The following LRP6 variants were observed in gnomAD, a reference collection of about 807,000 sequenced individuals.
LRP6 encodes the protein LDL receptor related protein 6, also known as low-density lipoprotein receptor-related protein 6.
A neutral mutation model predicts 184.1 loss-of-function variants in LRP6; 43 were observed. The observed-to-expected ratio is 0.23, with a 90% CI of 0.18 to 0.30. The LOEUF (loss-of-function observed/expected upper bound fraction) is 0.30. LRP6 is among the 10% of genes least tolerant of loss of function. LRP6 has a pLI of 1.00. For missense variants in LRP6, 1,571 were observed against 2,005.3 expected (o/e 0.78, Z 4.14); for synonymous variants, 719 against 684.9 (o/e 1.05, Z -0.78).
intron 4 of LRP6, among the ~76,000 whole-genome samples, chr12:12,184,381 CA>C (rs1863417025): frequency 2.1e-5 from 1 of 47,132 alleles, no homozygotes; most frequent in Non-Finnish European, 6.0e-5. Flanking sequence ...TAACAAAAAG[CA>C]AAACTAAAAA....
rs149215216 is a variant in LRP6, at chr12:12,131,916, T to C, written c.3875A>G (p.Gln1292Arg). 18 of 1,614,098 alleles carry C rather than the reference T, an allele frequency of 1.1e-5. No individual in the cohort carries two copies. The highest frequency in any genetic ancestry group is 1.4e-5 in the Non-Finnish European group (16 of 1,180,036). The change falls in exon 18 of 23, where the codon CAG (glutamine) becomes CGG (arginine). Residue 1292 changes from glutamine to arginine, a missense_variant. Gln to Arg is a conservative substitution (Grantham distance 43). Around this residue, in one of 4 missense-constraint regions of LRP6, gnomAD observed 763 missense variants for 859.5 expected, o/e 0.89. Transcript: ENST00000261349. ...ELNCPVCSES[Q>R]FQCASGQCID... Reference sequence around the variant, plus strand: ...ACACTGCCCACTGGCACACTGGAACTGGGACTCTGAGCATACAGGACAATT... The same window carrying C: ...ACACTGCCCACTGGCACACTGGAACCGGGACTCTGAGCATACAGGACAATT...
At chr12:12,198,008 T>G (rs568996953) in intron 3 of LRP6, among the ~76,000 whole-genome samples, 1 of 152,240 alleles carries the variant, frequency 6.6e-6, no homozygotes. Context: ...CTGCAACCTC[T>G]GCAAAATTCA....
At chr12:12,236,227 A>AAAAT (rs145272684) in intron 2 of LRP6, among the ~76,000 whole-genome samples, 6,237 of 152,054 alleles carry the variant, frequency 0.041, 175 homozygotes, top group Middle Eastern at 0.16. Context: ...ACTCCGTCTC[A>AAAAT]AAATAAATAA....
intron 1 of LRP6, among the ~76,000 whole-genome samples, chr12:12,266,367 CAGAGAG>C (rs1334763632): frequency 1.3e-5 from 2 of 152,158 alleles, no homozygotes; most frequent in Non-Finnish European, 2.9e-5. Flanking sequence ...AGACCCCAGG[CAGAGAG>C]AGGCACACAG....
chr12:12,180,447 G>A lies in LRP6; in HGVS notation c.1374-466C>T, dbSNP rs956127502. Among the ~76,000 whole-genome samples, 6 of 151,976 alleles carry A rather than the reference G, an allele frequency of 3.9e-5. No individual in the cohort carries two copies. In the South Asian group the frequency reaches 8.3e-4, roughly 21 times the overall value. On this transcript the variant is annotated intron_variant, in intron 6 of 22. Coordinates refer to ENST00000261349, the MANE Select transcript of LRP6 (RefSeq NM_002336.3). ...TCCTGGATGTTTAGATGGCTCTAAG[G>A]CATTGGTATATACTGAGGTGTAATT...
At chr12:12,138,220 G>A (rs1949874200) in intron 16 of LRP6, 105 bp downstream of exon 16, 2 of 1,093,670 alleles carry the variant, frequency 1.8e-6, no homozygotes, top group Non-Finnish European at 2.8e-6. Flanking sequence ...AACTAAAAGT[G>A]CATGAAAGTC....
At chr12:12,148,290 ATTCT>A (rs1257323893) in intron 14 of LRP6, among the ~76,000 whole-genome samples, 2 of 151,926 alleles carry the variant, frequency 1.3e-5, no homozygotes, top group Non-Finnish European at 2.9e-5. Context: ...AAAATTTTAA[ATTCT>A]TTCTAATTAA....
At chr12:12,141,169 T>C (rs1314053935) in intron 15 of LRP6, among the ~76,000 whole-genome samples, 1 of 136,360 alleles carries the variant, frequency 7.3e-6, no homozygotes, top group Non-Finnish European at 1.6e-5. Flanking sequence ...AAGAAGGGAA[T>C]GATGAGAAAG....
At chr12:12,220,015 G>C (rs768253318) in intron 2 of LRP6, among the ~76,000 whole-genome samples, 28 of 152,144 alleles carry the variant, frequency 1.8e-4, no homozygotes, top group Non-Finnish European at 3.7e-4. Context: ...AGCTGGGCAC[G>C]GTGGTTCACG....
chr12:12,183,852 T>G (rs1348450411), intron 5 of LRP6, 128 bp downstream of exon 5: 10 of 782,358 alleles, frequency 1.3e-5, no homozygotes, highest in Non-Finnish European at 2.2e-5. Flanking sequence ...TAACCATGTG[T>G]GAAGACTGTG....
intron 2 of LRP6, 61 bp downstream of exon 2, chr12:12,244,201 T>C (rs1303924671): frequency 2.6e-6 from 4 of 1,539,086 alleles, no homozygotes; most frequent in African/African-American, 2.7e-5. Context: ...GGGTGGTGTA[T>C]GTCAGTGGAG....
intron 1 of LRP6, 100 bp downstream of exon 1, chr12:12,266,581 C>T: frequency 9.3e-7 from 1 of 1,069,952 alleles, no homozygotes; most frequent in Non-Finnish European, 1.4e-6. Flanking sequence ...GCTCCTCTCC[C>T]CTTCTCCCTT....
intron 2 of LRP6, among the ~76,000 whole-genome samples, chr12:12,205,273 T>C (rs920081183): frequency 7.0e-6 from 1 of 143,806 alleles, no homozygotes; most frequent in African/African-American, 2.6e-5. Flanking sequence ...TGAGCTGAGA[T>C]TGTGTGCCAC....
chr12:12,263,458 G>A (rs1273610309), intron 1 of LRP6, among the ~76,000 whole-genome samples: 1 of 151,672 alleles, frequency 6.6e-6, no homozygotes, highest in Non-Finnish European at 1.5e-5. Context: ...GGCTGAGGCA[G>A]GAGAAAGGCG....
At position 12,162,187 on chromosome 12, in the gene LRP6, G is replaced by T; in HGVS notation, c.2279+6C>A. ...TTGCAAAGAATGCACATGTAAAGCT[G>T]TTTACCCTTCGGCAGGGTCCAACGC... is the stretch of plus-strand genomic sequence containing the variant. On this transcript the variant is annotated splice_donor_region_variant and intron_variant, in intron 10 of 22. Coordinates refer to ENST00000261349, the MANE Select transcript of LRP6 (RefSeq NM_002336.3). 1 of 1,612,494 alleles carries T rather than the reference G, an allele frequency of 6.2e-7. No homozygotes were observed. The highest frequency in any genetic ancestry group is 8.5e-7 in the Non-Finnish European group (1 of 1,178,510).
At chr12:12,135,990 G>A (rs1344305393) in intron 16 of LRP6, among the ~76,000 whole-genome samples, 2 of 152,028 alleles carry the variant, frequency 1.3e-5, no homozygotes, top group Non-Finnish European at 2.9e-5. Context: ...TTCAAGACCA[G>A]CCTGGGCAAC....
At chr12:12,196,938 T>TA (rs2137027387) in intron 3 of LRP6, among the ~76,000 whole-genome samples, 1 of 152,292 alleles carries the variant, frequency 6.6e-6, no homozygotes, top group East Asian at 1.9e-4. Flanking sequence ...AAAATGGTGG[T>TA]ATTGCAATTC....
At chr12:12,180,419 G>A (rs914684366) in intron 6 of LRP6, among the ~76,000 whole-genome samples, 2 of 151,894 alleles carry the variant, frequency 1.3e-5, no homozygotes, top group African/African-American at 2.4e-5. Flanking sequence ...TGATTCTTAC[G>A]GCTCCTGGAT....
intron 12 of LRP6, among the ~76,000 whole-genome samples, chr12:12,156,509 G>T (rs1862583604): frequency 6.6e-6 from 1 of 152,166 alleles, no homozygotes; most frequent in Non-Finnish European, 1.5e-5. Context: ...TAAGAACTAG[G>T]TTTTTATTCT....
Sources: allele counts gnomAD v4.1 joint callset (sites outside exome capture counted in the v4.1 genomes callset), GRCh38; gene constraint gnomAD v4.1.1; regional missense constraint gnomAD v4.1.1; transcripts MANE v1.5; gene names NCBI Gene and HGNC (gene_info 2026-07-23, HGNC 2026-07-21).